PCM1: variants seen among roughly 807,000 people sequenced by gnomAD.
The protein encoded by PCM1 is pericentriolar material 1 protein.
In PCM1, 157 loss-of-function variants were observed where a neutral mutation model predicts 241.9. The ratio of observed to expected loss-of-function variants is 0.65; its 90% CI spans 0.57 to 0.74. The LOEUF (loss-of-function observed/expected upper bound fraction) is 0.74, where lower values mean the gene tolerates loss of function less well. PCM1 is among the 30% of genes least tolerant of loss of function. PCM1 has a pLI of 0.00. For missense variants in PCM1, 3,478 were observed against 2,360.1 expected, an observed-to-expected ratio of 1.47 and a Z score of -9.81; for synonymous variants, 1,085 against 784.9, an observed-to-expected ratio of 1.38 and a Z score of -6.39.
At chr8:18,013,893 C>A in intron 34 of PCM1, 71 bp from the exon 35 acceptor site, 1 of 860,364 alleles carries the variant, frequency 1.2e-6, no homozygotes, top group Non-Finnish European at 1.8e-6. Flanking sequence ...AAAAACTACA[C>A]ACTAGTAATC....
chr8:18,018,726 G>A (rs1276554759), intron 36 of PCM1, among the ~76,000 whole-genome samples: 5 of 150,960 alleles, frequency 3.3e-5, no homozygotes, highest in East Asian at 2.0e-4. Flanking sequence ...CAGGAGAATC[G>A]CTTGAACCCG....
At chr8:17,927,460 T>C (rs190902664) in intron 2 of PCM1, 1 of 152,208 alleles carries the variant, frequency 6.6e-6, no homozygotes, top group African/African-American at 2.4e-5. Context: ...TATATTCTTA[T>C]TTCAAAGGTA....
At position 17,939,018 on chromosome 8, in the gene PCM1, G is replaced by A. The variant is rs546926083; in HGVS notation, c.612+9G>A. 1.8e-5 allele frequency: 29 copies of A among 1,612,720 alleles called. No homozygotes were observed. Among genetic ancestry groups the A allele is most frequent in the Admixed American group, 3.3e-5 (2 of 59,964 alleles). ...CAATGGAGAGCAGCCAGGTGATAAC[G>A]TTTGTTTCTTTTGCTCATTCTTTAC... On this transcript the variant is annotated intron_variant, in intron 5 of 38. Transcript: ENST00000325083.
At chr8:17,948,033 AAGATGATT>A (rs930371061) in intron 7 of PCM1, among the ~76,000 whole-genome samples, 166 of 152,310 alleles carry the variant, frequency 1.1e-3, no homozygotes, top group African/African-American at 3.8e-3. Flanking sequence ...ATTGCAAAAA[AAGATGATT>A]AGTTATTAAA....
intron 34 of PCM1, among the ~76,000 whole-genome samples, chr8:18,013,190 T>C (rs995996006): frequency 2.0e-5 from 3 of 152,210 alleles, no homozygotes; most frequent in South Asian, 4.1e-4. Context: ...GCTGCTGATA[T>C]TCTGAAGCTA....
chr8:17,996,443 G>T (rs2086784925), intron 29 of PCM1, among the ~76,000 whole-genome samples: 1 of 152,068 alleles, frequency 6.6e-6, no homozygotes, highest in South Asian at 2.1e-4. Flanking sequence ...GGTATCGGTT[G>T]TAATGTCTCC....
At position 18,028,623 on chromosome 8, in the gene PCM1, G is replaced by C. The variant is rs1275270968; in HGVS notation, c.*961G>C. ...GAAGCAGATTTGCAGGTGAAGTATT[G>C]AAAGTTTATGTGACTTTAAGTCAGC... is the stretch of plus-strand genomic sequence containing the variant. On this transcript the variant is annotated 3_prime_UTR_variant, in exon 39 of 39. Coordinates refer to ENST00000325083, the MANE Select transcript of PCM1 (RefSeq NM_006197.4). 9.7e-6 allele frequency: 2 copies of C among 206,262 alleles called. No individual in the cohort carries two copies. The highest frequency in any genetic ancestry group is 2.3e-5 in the African/African-American group (1 of 43,228). 12.8% of individuals were successfully genotyped at this position (206,262 alleles called of 1,614,324 possible). A position where few individuals can be genotyped will look rare whatever the true frequency, so the allele number is the denominator to read the frequency against.
chr8:17,962,959 A>G, intron 16 of PCM1, 142 bp from the exon 17 acceptor site: 2 of 606,366 alleles, frequency 3.3e-6, no homozygotes, highest in African/African-American at 1.9e-5. Context: ...TATTATTTTA[A>G]CCTTCATGGA....
intron 9 of PCM1, 129 bp downstream of exon 9, chr8:17,953,315 C>T (rs2066778099): frequency 2.2e-6 from 1 of 464,722 alleles, no homozygotes; most frequent in Non-Finnish European, 3.7e-6. Flanking sequence ...TTAAGACTTG[C>T]ATATGAAAAG....
At chr8:17,953,475 G>A (rs929525632) in intron 9 of PCM1, among the ~76,000 whole-genome samples, 2 of 152,050 alleles carry the variant, frequency 1.3e-5, no homozygotes, top group African/African-American at 2.4e-5. Flanking sequence ...TGTTTGATAC[G>A]TGGACATATT....
rs2077146478 is a variant in PCM1 at position 17,972,379 on chromosome 8, T to G, written c.3635T>G (p.Leu1212Ter). 1 of 1,589,080 alleles carries G rather than the reference T, an allele frequency of 6.3e-7. No homozygotes were observed. The highest frequency in any genetic ancestry group is 8.6e-7 in the Non-Finnish European group (1 of 1,166,682). Residue 1212 changes from leucine to a stop codon, truncating the protein, a stop_gained, in exon 23 of 39, where the codon TTA becomes TGA. Coordinates refer to ENST00000325083, the MANE Select transcript of PCM1 (RefSeq NM_006197.4). LOFTEE classifies it high-confidence loss of function. ...EEVESSRTPWLYEQEGEVEKP... is the reference protein window; with the variant it reads ...EEVESSRTPW Reference sequence around the variant, plus strand: ...GTGGAAAGCAGTAGGACACCATGGTTATATGAACAAGAAGGTGAAGTAGAG... The same window carrying G: ...GTGGAAAGCAGTAGGACACCATGGTGATATGAACAAGAAGGTGAAGTAGAG...
At chr8:18,006,208 T>G in intron 29 of PCM1, 55 bp from the exon 30 acceptor site, 1 of 1,403,270 alleles carries the variant, frequency 7.1e-7, no homozygotes, top group Non-Finnish European at 9.6e-7. Context: ...GGATTGATTT[T>G]CTTTTTTTAA....
In PCM1 at chr8:18,025,468, T is replaced by G; in HGVS notation, c.5934+15T>G. 6.5e-7 allele frequency: 1 copy of G among 1,534,332 alleles called. No homozygotes were observed. The highest frequency in any genetic ancestry group is 9.0e-7 in the Non-Finnish European group (1 of 1,114,908). The stretch of plus-strand genomic sequence containing the variant: ...TATATTCAGAGGTATTTAGCTGTCT[T>G]TAATTAAACTTGTCTTTACATAACA... On this transcript the variant is annotated intron_variant, in intron 37 of 38. Transcript: ENST00000325083.
intron 4 of PCM1, 127 bp downstream of exon 4, chr8:17,937,506 T>G: frequency 1.3e-6 from 1 of 788,734 alleles, no homozygotes; most frequent in Non-Finnish European, 1.9e-6. Flanking sequence ...TCTGTGCCTA[T>G]GGAAAGAATT....
At chr8:17,968,668 A>C (rs1335507446) in intron 21 of PCM1, among the ~76,000 whole-genome samples, 1 of 151,660 alleles carries the variant, frequency 6.6e-6, no homozygotes, top group African/African-American at 2.4e-5. Flanking sequence ...TGTACTCAAT[A>C]CTTCTTACAT....
chr8:17,990,949 A>C (rs1342508922), intron 27 of PCM1, among the ~76,000 whole-genome samples: 1 of 152,064 alleles, frequency 6.6e-6, no homozygotes, highest in Non-Finnish European at 1.5e-5. Context: ...GAGAAAAATT[A>C]CTGTGTGGCC....
At chr8:18,024,518 C>T (rs576964736) in intron 36 of PCM1, among the ~76,000 whole-genome samples, 4 of 152,198 alleles carry the variant, frequency 2.6e-5, no homozygotes, top group East Asian at 3.9e-4. Flanking sequence ...TTTAAAACTT[C>T]GAAAATTACT....
intron 22 of PCM1, among the ~76,000 whole-genome samples, chr8:17,971,170 A>G (rs1403712124): frequency 6.6e-6 from 1 of 152,188 alleles, no homozygotes; most frequent in African/African-American, 2.4e-5. Flanking sequence ...TCTTCCAACT[A>G]TTTAAGAATA....
At chr8:17,953,839 A>G (rs1212300178) in intron 9 of PCM1, among the ~76,000 whole-genome samples, 1 of 143,934 alleles carries the variant, frequency 6.9e-6, no homozygotes, top group African/African-American at 2.7e-5. Flanking sequence ...CCAAATAGTA[A>G]TAGAGGCTCA....
Sources: allele counts gnomAD v4.1 joint callset (sites outside exome capture counted in the v4.1 genomes callset), GRCh38; gene constraint gnomAD v4.1.1; transcripts MANE v1.5; gene names NCBI Gene and HGNC (gene_info 2026-07-23, HGNC 2026-07-21).